The following PDE8B variants were observed in gnomAD, a reference collection of about 807,000 sequenced individuals.
The protein encoded by PDE8B is phosphodiesterase 8B.
A neutral mutation model predicts 101.3 loss-of-function variants in PDE8B; 26 were observed. The observed-to-expected ratio is 0.26, with a 90% CI of 0.19 to 0.36. PDE8B has a LOEUF of 0.36. Among genes scored for constraint, PDE8B ranks in the 10% least tolerant of loss-of-function variants. PDE8B has a pLI of 1.00. For synonymous variants in PDE8B, 424 were observed against 429.3 expected (o/e 0.99, Z 0.15); for missense variants, 810 against 1,163.1 (o/e 0.70, Z 4.42).
intron 4 of PDE8B, among the ~76,000 whole-genome samples, chr5:77,330,654 C>T (rs757640763): frequency 1.3e-5 from 2 of 152,184 alleles, no homozygotes; most frequent in Admixed American, 1.3e-4. Flanking sequence ...TGCGTTTCCA[C>T]CCAATCCCTT....
At chr5:77,273,413 A>G (rs1240365459) in intron 1 of PDE8B, among the ~76,000 whole-genome samples, 2 of 152,230 alleles carry the variant, frequency 1.3e-5, no homozygotes, top group South Asian at 2.1e-4. Context: ...CTAAACATCT[A>G]TTACCCAGAA....
chr5:77,378,909 A>G (rs1395598253), intron 10 of PDE8B, among the ~76,000 whole-genome samples: 1 of 152,240 alleles, frequency 6.6e-6, no homozygotes, highest in African/African-American at 2.4e-5. Flanking sequence ...TAGAAAACTC[A>G]GTATTGGCCA....
At position 77,413,499 on chromosome 5, in the gene PDE8B, C is replaced by G. The variant is rs140636027; in HGVS notation, c.1911+190C>G. On this transcript the variant is annotated intron_variant, in intron 17 of 21. Transcript: ENST00000264917. The stretch of plus-strand genomic sequence containing the variant: ...CATGGACCTTTCTGCCAGCCCTCCC[C>G]TCCTCCAAATACTTAAAATAATTAT... Among the ~76,000 whole-genome samples, 5 of 152,252 alleles carry G rather than the reference C, an allele frequency of 3.3e-5. No individual in the cohort carries two copies. In the East Asian group the frequency reaches 7.7e-4, roughly 23 times the overall value.
chr5:77,386,701 G>A (rs992754460), intron 10 of PDE8B, among the ~76,000 whole-genome samples: 4 of 151,918 alleles, frequency 2.6e-5, no homozygotes, highest in African/African-American at 7.3e-5. Context: ...CCTGAATACA[G>A]TATACTGATG....
chr5:77,216,432 A>G (rs1394153820), intron 1 of PDE8B, among the ~76,000 whole-genome samples: 1 of 152,200 alleles, frequency 6.6e-6, no homozygotes, highest in Non-Finnish European at 1.5e-5. Context: ...AGAACCAAGC[A>G]AAAGAGGTTA....
the PDE8B span, among the ~76,000 whole-genome samples, chr5:77,164,760 G>C: frequency 6.6e-6 from 1 of 152,148 alleles, no homozygotes; most frequent in South Asian, 2.1e-4. Flanking sequence ...ATGTGTGTTG[G>C]GGGGAACATG....
chr5:77,339,779 A>C (rs1457249633), intron 6 of PDE8B, among the ~76,000 whole-genome samples: 1 of 152,188 alleles, frequency 6.6e-6, no homozygotes, highest in South Asian at 2.1e-4. Flanking sequence ...GATGATGGTG[A>C]ATGTTAAAGG....
At chr5:77,182,562 C>T in the PDE8B span, among the ~76,000 whole-genome samples, 1 of 152,114 alleles carries the variant, frequency 6.6e-6, no homozygotes, top group Non-Finnish European at 1.5e-5. Context: ...GGAAGACAGC[C>T]CAGTCTTGCA....
chr5:77,164,812 G>C, the PDE8B span, among the ~76,000 whole-genome samples: 1 of 152,116 alleles, frequency 6.6e-6, no homozygotes, highest in Non-Finnish European at 1.5e-5. Context: ...AGTGACTTGT[G>C]GGGGTCAGAA....
In PDE8B at chr5:77,211,321, C is replaced by T. The variant is rs1748337196; in HGVS notation, c.339+57C>T. On this transcript the variant is annotated intron_variant, in intron 1 of 21. Transcript: ENST00000264917. The surrounding 1 kb of genome is among the most constrained non-coding windows in gnomAD (Gnocchi z 4.1). The stretch of plus-strand genomic sequence containing the variant: ...GGCCGTCCGCCCCGTCGGCGGGGCT[C>T]GCACGGGTAGGGGGCTCCGGCGGAG... 5 of 1,491,316 alleles carry T rather than the reference C, an allele frequency of 3.4e-6. No homozygotes were observed. The South Asian group carries it at 4.9e-5, about 15-fold the overall frequency. 92.4% of individuals were successfully genotyped at this position (1,491,316 alleles called of 1,614,324 possible).
At chr5:77,155,197 T>C in the PDE8B span, among the ~76,000 whole-genome samples, 145,262 of 152,226 alleles carry the variant, frequency 0.95, 69,382 homozygotes, top group East Asian at 1. Flanking sequence ...TGTTCACCCA[T>C]GAGTATGTGT....
chr5:77,312,008 G>A lies in PDE8B; in HGVS notation c.354G>A (p.Ala118=), dbSNP rs776831488. The A allele has an allele frequency of 1.4e-5, 22 of 1,613,574 alleles. No individual in the cohort carries two copies. Among genetic ancestry groups the A allele is most frequent in the South Asian group, 9.9e-5 (9 of 91,068 alleles). The change falls in exon 2 of 22, where the codon GCG becomes GCA. Residue 118 remains alanine (A), a synonymous_variant. Coordinates refer to ENST00000264917, the MANE Select transcript of PDE8B (RefSeq NM_003719.5). ...CCTTTATTTAGCAGGTGTCTTCTGC[G>A]GAGGTGCGCATCGGGCCCATGAGAC... ...CYTSVKQVSS[A]EVRIGPMRLT...
At chr5:77,378,506 T>C (rs1010820186) in intron 10 of PDE8B, among the ~76,000 whole-genome samples, 2 of 148,844 alleles carry the variant, frequency 1.3e-5, no homozygotes, top group Non-Finnish European at 3.0e-5. Context: ...AAAGATCTTT[T>C]CTCAAAACCT....
intron 10 of PDE8B, among the ~76,000 whole-genome samples, chr5:77,395,860 A>G (rs889982889): frequency 2.6e-5 from 4 of 152,166 alleles, no homozygotes; most frequent in African/African-American, 9.7e-5. Context: ...GACAAAGCAT[A>G]TCAGCTGCTT....
At chr5:77,336,421 G>A (rs1778211694) in intron 5 of PDE8B, among the ~76,000 whole-genome samples, 1 of 152,096 alleles carries the variant, frequency 6.6e-6, no homozygotes, top group Non-Finnish European at 1.5e-5. Flanking sequence ...CCACCAGTCT[G>A]CATTCTGGCT....
intron 1 of PDE8B, among the ~76,000 whole-genome samples, chr5:77,263,890 T>C (rs1761133064): frequency 6.6e-6 from 1 of 152,190 alleles, no homozygotes; most frequent in Non-Finnish European, 1.5e-5. Flanking sequence ...AGAACATTCT[T>C]ACCATTCCCA....
intron 6 of PDE8B, among the ~76,000 whole-genome samples, chr5:77,343,071 A>G (rs1312461423): frequency 2.0e-5 from 3 of 152,230 alleles, no homozygotes; most frequent in African/African-American, 4.8e-5. Context: ...CAGCACACAC[A>G]TAGTCCATTC....
chr5:77,113,064 T>C, the PDE8B span: 1 of 152,176 alleles, frequency 6.6e-6, no homozygotes, highest in African/African-American at 2.4e-5. Context: ...ATAGGAAGAA[T>C]CAATATCATG....
At position 77,307,842 on chromosome 5, in the gene PDE8B, A is replaced by G. The variant is rs572504730; in HGVS notation, c.340-4152A>G. ...CCCTCCCCTCTTCTCAGGTGTTGGAATTATGTTACCTATGCCCCCACCCCT... is the reference window on the plus strand; with the variant it reads ...CCCTCCCCTCTTCTCAGGTGTTGGAGTTATGTTACCTATGCCCCCACCCCT... On this transcript the variant is annotated intron_variant, in intron 1 of 21. Coordinates refer to ENST00000264917, the MANE Select transcript of PDE8B (RefSeq NM_003719.5). Among the ~76,000 whole-genome samples, 9 of 152,232 alleles carry G rather than the reference A, an allele frequency of 5.9e-5. No individual in the cohort carries two copies. The East Asian group carries it at 1.7e-3, about 29-fold the overall frequency.
Sources: allele counts gnomAD v4.1 joint callset (sites outside exome capture counted in the v4.1 genomes callset), GRCh38; gene constraint gnomAD v4.1.1; non-coding constraint Gnocchi (gnomAD v3.1); transcripts MANE v1.5; gene names NCBI Gene and HGNC (gene_info 2026-07-23, HGNC 2026-07-21).